TAF3: variants seen among roughly 807,000 people sequenced by gnomAD.
TAF3 encodes the protein transcription initiation factor TFIID subunit 3.
TAF3 carries 7 observed loss-of-function variants against 80.6 expected under a neutral mutation model. That is an observed-to-expected ratio of 0.09 (90% confidence interval 0.05 to 0.16). The LOEUF is 0.16. Ranked by LOEUF, TAF3 falls within the 10% of genes least tolerant of loss-of-function variation. The pLI is 1.00. For missense variants in TAF3, 921 were observed against 1,140.2 expected (o/e 0.81, Z 2.77); for synonymous variants, 444 against 446.1 (o/e 1.00, Z 0.06).
intron 2 of TAF3, among the ~76,000 whole-genome samples, chr10:7,839,793 A>G (rs182833475): frequency 2.6e-5 from 4 of 152,256 alleles, no homozygotes; most frequent in East Asian, 1.9e-4. Flanking sequence ...TACTGACAGC[A>G]TAAAGATTGA....
Position 8,016,365 on chromosome 10 carries a change from T to C in TAF3, c.*1614T>C, listed in dbSNP as rs781014042. 5 of 152,204 alleles carry C rather than the reference T, an allele frequency of 3.3e-5. No individual in the cohort carries two copies. Among genetic ancestry groups the C allele is most frequent in the Non-Finnish European group, 7.3e-5 (5 of 68,042 alleles). 9.4% of individuals were successfully genotyped at this position (152,204 alleles called of 1,614,324 possible). On this transcript the variant is annotated 3_prime_UTR_variant, in exon 7 of 7. Coordinates refer to ENST00000344293, the MANE Select transcript of TAF3 (RefSeq NM_031923.4). ...GAAATGCGGTTTTCTGCCATGAATG[T>C]TAAGTTGCAAATCAGTGGAAATGGA...
chr10:7,839,202 T>A (rs1836885370), intron 2 of TAF3, among the ~76,000 whole-genome samples: 1 of 152,158 alleles, frequency 6.6e-6, no homozygotes, highest in Admixed American at 6.5e-5. Context: ...GGCATGGAGT[T>A]CTCGTCCATC....
chr10:8,008,287 C>T (rs371282048), intron 4 of TAF3, among the ~76,000 whole-genome samples: 2 of 151,938 alleles, frequency 1.3e-5, no homozygotes, highest in Non-Finnish European at 2.9e-5. Flanking sequence ...TTAGTAGAGA[C>T]GGTGTTTCAC....
At chr10:7,822,266 C>T (rs1007611623) in intron 1 of TAF3, among the ~76,000 whole-genome samples, 5 of 149,256 alleles carry the variant, frequency 3.3e-5, no homozygotes, top group Middle Eastern at 3.5e-3. Context: ...AAAAGGTGGC[C>T]GAAGGGGACG....
chr10:8,014,791 C>T lies in TAF3; in HGVS notation c.*40C>T. ...CTGGACCAAGCGGGGTCAGCCCGGGCTTCTTCCCTGGCGCCTCTGGAAGGG... is the reference window on the plus strand; with the variant it reads ...CTGGACCAAGCGGGGTCAGCCCGGGTTTCTTCCCTGGCGCCTCTGGAAGGG... On this transcript the variant is annotated 3_prime_UTR_variant, in exon 7 of 7. Transcript: ENST00000344293. The T allele has an allele frequency of 6.6e-7, 1 of 1,525,408 alleles. No homozygotes were observed. The highest frequency in any genetic ancestry group is 8.9e-7 in the Non-Finnish European group (1 of 1,129,626). The allele number at this position is 1,525,408 out of a possible 1,614,324, so 94.5% of individuals were successfully genotyped here.
At chr10:7,990,488 C>T (rs1177368389) in intron 4 of TAF3, among the ~76,000 whole-genome samples, 3 of 152,064 alleles carry the variant, frequency 2.0e-5, no homozygotes, top group Non-Finnish European at 2.9e-5. Context: ...TTTGAATGAC[C>T]GCTACATCTT....
At chr10:7,896,368 C>A (rs1033548249) in intron 2 of TAF3, among the ~76,000 whole-genome samples, 1 of 152,184 alleles carries the variant, frequency 6.6e-6, no homozygotes, top group Non-Finnish European at 1.5e-5. Context: ...TGTGCAACTA[C>A]TCCCAGGAAC....
intron 4 of TAF3, among the ~76,000 whole-genome samples, chr10:7,979,871 A>G (rs1325352471): frequency 1.3e-5 from 2 of 152,178 alleles, no homozygotes; most frequent in Non-Finnish European, 1.5e-5. Context: ...TTATGGGCCA[A>G]ATCCAGGCCA....
intron 2 of TAF3, among the ~76,000 whole-genome samples, chr10:7,876,650 G>A (rs1231051733): frequency 6.6e-6 from 1 of 152,142 alleles, no homozygotes; most frequent in Non-Finnish European, 1.5e-5. Context: ...CAGTTTGTGT[G>A]TTTACTCAGC....
At chr10:7,902,309 A>C (rs1027674528) in intron 2 of TAF3, among the ~76,000 whole-genome samples, 1 of 151,752 alleles carries the variant, frequency 6.6e-6, no homozygotes, top group Non-Finnish European at 1.5e-5. Context: ...TGTAATCCCA[A>C]CTACTCGGGA....
At position 7,964,965 on chromosome 10, in the gene TAF3, G is replaced by T. The variant is rs764907293; in HGVS notation, c.1455G>T (p.Met485Ile). 1 of 1,613,878 alleles carries T rather than the reference G, an allele frequency of 6.2e-7. No homozygotes were observed. Among genetic ancestry groups the T allele is most frequent in the East Asian group, 2.2e-5 (1 of 44,886 alleles). Reference protein sequence around the residue: ...RKAKLGTPSNMPPNFPYISSP... With the variant: ...RKAKLGTPSNIPPNFPYISSP... ...CAAAACTGGGAACACCTTCAAATAT[G>T]CCCCCCAACTTTCCTTATATCTCTT... Residue 485 changes from methionine to isoleucine, a missense_variant, in exon 3 of 7, where the codon ATG (methionine) becomes ATT (isoleucine). Met to Ile is a conservative substitution (Grantham distance 10). Around this residue, in one of 6 missense-constraint regions of TAF3, gnomAD observed 743 missense variants for 821.0 expected, o/e 0.90. Transcript: ENST00000344293. This position sits in a 1 kb window ranked among gnomAD's most constrained non-coding sequence, Gnocchi z 4.1.
chr10:7,863,526 C>G (rs1459156230), intron 2 of TAF3, among the ~76,000 whole-genome samples: 3 of 147,538 alleles, frequency 2.0e-5, no homozygotes, highest in Non-Finnish European at 4.5e-5. Context: ...AGGAGAATAG[C>G]TTGAACCTCA....
At chr10:7,874,198 AAG>A (rs1376938638) in intron 2 of TAF3, among the ~76,000 whole-genome samples, 1 of 152,204 alleles carries the variant, frequency 6.6e-6, no homozygotes, top group African/African-American at 2.4e-5. Context: ...CATTTCAAGA[AAG>A]AGTAAAGAAA....
At chr10:7,922,464 GCAAA>G (rs1837772351) in intron 2 of TAF3, among the ~76,000 whole-genome samples, 1 of 151,990 alleles carries the variant, frequency 6.6e-6, no homozygotes, top group South Asian at 2.1e-4. Flanking sequence ...ATTCCAAATA[GCAAA>G]CAGATACCTC....
chr10:7,827,608 C>T (rs1329234850), intron 2 of TAF3, among the ~76,000 whole-genome samples: 1 of 152,012 alleles, frequency 6.6e-6, no homozygotes, highest in Non-Finnish European at 1.5e-5. Context: ...AGTGAAACCC[C>T]GTCTCTACTA....
At chr10:7,985,068 G>A (rs1000058139) in intron 4 of TAF3, among the ~76,000 whole-genome samples, 5 of 152,116 alleles carry the variant, frequency 3.3e-5, no homozygotes, top group African/African-American at 4.8e-5. Context: ...ACATCTCTTC[G>A]CTTTTCCCAC....
At chr10:7,845,938 T>A (rs1386364343) in intron 2 of TAF3, among the ~76,000 whole-genome samples, 1 of 151,242 alleles carries the variant, frequency 6.6e-6, no homozygotes, top group Admixed American at 6.6e-5. Context: ...TTTAAAAGGA[T>A]GAAGTGGTTT....
intron 4 of TAF3, among the ~76,000 whole-genome samples, chr10:7,988,487 A>C (rs1452020691): frequency 6.8e-6 from 1 of 146,400 alleles, no homozygotes; most frequent in Non-Finnish European, 1.5e-5. Context: ...CAGGAGAATC[A>C]CTTGAACCCA....
At chr10:7,940,919 A>G (rs971402961) in intron 2 of TAF3, among the ~76,000 whole-genome samples, 2 of 151,794 alleles carry the variant, frequency 1.3e-5, no homozygotes, top group Non-Finnish European at 2.9e-5. Context: ...TGATCACACC[A>G]CTGCACTCCA....
Sources: allele counts gnomAD v4.1 joint callset (sites outside exome capture counted in the v4.1 genomes callset), GRCh38; gene constraint gnomAD v4.1.1; regional missense constraint gnomAD v4.1.1; non-coding constraint Gnocchi (gnomAD v3.1); transcripts MANE v1.5; gene names NCBI Gene and HGNC (gene_info 2026-07-23, HGNC 2026-07-21).